Variants in GOLGA8K observed in about 807,000 individuals in gnomAD.
GOLGA8K encodes the protein golgin A8 family member K.
In GOLGA8K, 12 loss-of-function variants were observed where a neutral mutation model predicts 75.2. That is an observed-to-expected ratio of 0.16 (90% CI 0.10 to 0.26). GOLGA8K has a LOEUF of 0.26. Among genes scored for constraint, GOLGA8K ranks in the 10% least tolerant of loss-of-function variants. The probability of loss-of-function intolerance (pLI) is 1.00; values close to 1 mark genes in which losing one functional copy is unlikely to be tolerated. For synonymous variants in GOLGA8K, 48 were observed against 236.6 expected, an observed-to-expected ratio of 0.20 and a Z score of 7.32; for missense variants, 109 against 640.8, an observed-to-expected ratio of 0.17 and a Z score of 8.96.
rs1345363287 is a variant in GOLGA8K, at chr15:32,397,508, A to C, written c.592-5T>G. 2 of 1,477,030 alleles carry C rather than the reference A, an allele frequency of 1.4e-6. No homozygotes were observed. Among genetic ancestry groups the C allele is most frequent in the South Asian group, 2.3e-5 (2 of 86,234 alleles). 91.5% of individuals were successfully genotyped at this position (1,477,030 alleles called of 1,614,324 possible). On this transcript the variant is annotated splice_polypyrimidine_tract_variant and splice_region_variant and intron_variant, in intron 8 of 18. Transcript: ENST00000512626. ...TGCTTTGCTGCGGCTGGACAACTGG[A>C]TGGTGAAGAGTGAGAAGTTTCAATC...
intron 2 of GOLGA8K, 31 bp downstream of exon 2, chr15:32,401,325 G>A: frequency 1.2e-6 from 1 of 813,340 alleles, no homozygotes; most frequent in Non-Finnish European, 1.7e-6. Flanking sequence ...TGGGCCCCCT[G>A]TCCCCAGAAG....
At chr15:32,393,967 C>T (rs372805904) in intron 15 of GOLGA8K, among the ~76,000 whole-genome samples, 178 bp downstream of exon 15, 819 of 34,688 alleles carry the variant, frequency 0.024, 15 homozygotes, top group East Asian at 0.041. Context: ...CAGCCCCTTC[C>T]CTTGGGGCCT....
Position 32,394,227 on chromosome 15 carries a change from C to G in GOLGA8K, c.1283G>C (p.Gly428Ala). The change falls in exon 15 of 19, where the codon GGA becomes GCA. Residue 428 changes from glycine (G) to alanine (A), a missense_variant. Transcript: ENST00000512626. ...CTCCCCCTCACTGTCCAGATGTTCTCCGTGTCCTGTGGGGGGTGGCCAGAG... is the reference window on the plus strand; with the variant it reads ...CTCCCCCTCACTGTCCAGATGTTCTGCGTGTCCTGTGGGGGGTGGCCAGAG... ...SLMALPGEGH[G>A]EHLDSEGEEA... 2.0e-6 allele frequency: 3 copies of G among 1,535,340 alleles called. No individual in the cohort carries two copies. The highest frequency in any genetic ancestry group is 1.8e-6 in the Non-Finnish European group (2 of 1,138,188).
chr15:32,397,209 C>G lies in GOLGA8K; in HGVS notation c.780G>C (p.Ser260=). 7.2e-7 allele frequency: 1 copy of G among 1,395,746 alleles called. No individual in the cohort carries two copies. Among genetic ancestry groups the G allele is most frequent in the Middle Eastern group, 2.4e-4 (1 of 4,210 alleles). The allele number at this position is 1,395,746 out of a possible 1,614,324, so 86.5% of individuals were successfully genotyped here. A position where few individuals can be genotyped will look rare whatever the true frequency, so the allele number is the denominator to read the frequency against. ...CTGAAGGGTCAGATCTCACCTCCTG[C>G]GACATTTTTCTCATCCTCTGCTGCC... ...ARWQQRMRKM[S]QEICTLKKEK... The change falls in exon 10 of 19, where the codon TCG becomes TCC. Residue 260 remains serine (S), a synonymous_variant. Coordinates refer to ENST00000512626, the MANE Select transcript of GOLGA8K (RefSeq NM_001282493.2).
rs1428726273 is a variant in GOLGA8K, at chr15:32,392,173, AG to A, written c.*608del. Among the ~76,000 whole-genome samples the A allele has an allele frequency of 9.0e-5, 3 of 33,182 alleles. No homozygotes were observed. Among genetic ancestry groups the A allele is most frequent in the African/African-American group, 1.9e-4 (3 of 15,494 alleles). The allele number at this position is 33,182 out of a possible 152,430, so 21.8% of individuals were successfully genotyped here. On this transcript the variant is annotated 3_prime_UTR_variant, in exon 19 of 19. Coordinates refer to ENST00000512626, the MANE Select transcript of GOLGA8K (RefSeq NM_001282493.2). ...GTGAGATTTAAAAAGCTCCCCCAAA[AG>A]GTTATCACTCCCATCACCAATACAC...
intron 8 of GOLGA8K, among the ~76,000 whole-genome samples, chr15:32,397,897 GTGC>G (rs2054649126): frequency 6.6e-6 from 1 of 150,790 alleles, no homozygotes; most frequent in African/African-American, 2.4e-5. Context: ...TTGAGGTTAA[GTGC>G]TTGCCTAAGT....
chr15:32,397,611 G>T (rs1223703304), intron 8 of GOLGA8K, 108 bp from the exon 9 acceptor site: 9 of 1,391,772 alleles, frequency 6.5e-6, no homozygotes, highest in Non-Finnish European at 8.0e-6. Context: ...GGTCAGTAAA[G>T]ATCAAGGCAT....
Position 32,393,356 on chromosome 15 carries a change from AG to A in GOLGA8K, c.1497del (p.Cys500ValfsTer78). Reference protein sequence around the residue: ...KTHHLLSEPGGCAKDAALGGG... With the variant: ...KTHHLLSEPGXCAKDAALGGG... ...CCTCCCAGTGCCGCATCTTTGGCACAGCCCCCTGGTTCTGATAAAAGGTGAT... is the reference window on the plus strand; with the variant it reads ...CCTCCCAGTGCCGCATCTTTGGCACACCCCCTGGTTCTGATAAAAGGTGAT... On this transcript the variant is annotated frameshift_variant, in exon 17 of 19. Transcript: ENST00000512626. LOFTEE classifies it high-confidence loss of function. 3.8e-6 allele frequency: 4 copies of A among 1,057,112 alleles called. No individual in the cohort carries two copies. The highest frequency in any genetic ancestry group is 5.1e-6 in the Non-Finnish European group (4 of 789,838). The allele number at this position is 1,057,112 out of a possible 1,614,324, so 65.5% of individuals were successfully genotyped here.
rs768535637 is a variant in GOLGA8K, at chr15:32,394,127, A to G, written c.1365+18T>C. The G allele has an allele frequency of 4.5e-5, 41 of 907,392 alleles. 1 individual carries two copies. The East Asian group carries it at 4.9e-4, about 11-fold the overall frequency. The allele number at this position is 907,392 out of a possible 1,614,324, so 56.2% of individuals were successfully genotyped here. A position where few individuals can be genotyped will look rare whatever the true frequency, so the allele number is the denominator to read the frequency against. On this transcript the variant is annotated intron_variant, in intron 15 of 18. Transcript: ENST00000512626. ...CAGAGAAAGGTGGCAAAATGGGTGCAGGGGGAGTCAGGCTCACCATGGCCT... is the reference window on the plus strand; with the variant it reads ...CAGAGAAAGGTGGCAAAATGGGTGCGGGGGGAGTCAGGCTCACCATGGCCT...
rs917194274 is a variant in GOLGA8K, at chr15:32,389,911, G to C, written c.*2871C>G. Among the ~76,000 whole-genome samples, 1 of 102,182 alleles carries C rather than the reference G, an allele frequency of 9.8e-6. No homozygotes were observed. Among genetic ancestry groups the C allele is most frequent in the Non-Finnish European group, 2.1e-5 (1 of 47,942 alleles). The allele number at this position is 102,182 out of a possible 152,430, so 67.0% of individuals were successfully genotyped here. ...AGTTATATTATTTTAAAATGACTAA[G>C]ATAAAGTTTTAGAGAAACTATATTA... is the stretch of plus-strand genomic sequence containing the variant. On this transcript the variant is annotated 3_prime_UTR_variant, in exon 19 of 19. Coordinates refer to ENST00000512626, the MANE Select transcript of GOLGA8K (RefSeq NM_001282493.2).
Position 32,389,893 on chromosome 15 carries a change from T to A in GOLGA8K, c.*2889A>T, listed in dbSNP as rs1453305780. Among the ~76,000 whole-genome samples the A allele has an allele frequency of 1.0e-5, 1 of 100,432 alleles. No homozygotes were observed. Among genetic ancestry groups the A allele is most frequent in the Non-Finnish European group, 2.1e-5 (1 of 47,148 alleles). The allele number at this position is 100,432 out of a possible 152,430, so 65.9% of individuals were successfully genotyped here. A position where few individuals can be genotyped will look rare whatever the true frequency, so the allele number is the denominator to read the frequency against. On this transcript the variant is annotated 3_prime_UTR_variant, in exon 19 of 19. Transcript: ENST00000512626. ...GCAGTTACATTTTTTAATAGTTATA[T>A]TATTTTAAAATGACTAAGATAAAGT...
chr15:32,394,275 G>A (rs1410794814), intron 14 of GOLGA8K, 42 bp from the exon 15 acceptor site: 10 of 1,288,250 alleles, frequency 7.8e-6, no homozygotes, highest in Non-Finnish European at 6.5e-6. Flanking sequence ...AACCCAACAA[G>A]GGAGGTACTG....
At chr15:32,394,934 C>G (rs1295857771) in intron 13 of GOLGA8K, among the ~76,000 whole-genome samples, 194 bp from the exon 14 acceptor site, 1 of 149,294 alleles carries the variant, frequency 6.7e-6, no homozygotes, top group Admixed American at 6.8e-5. Context: ...GCCTGTACAG[C>G]GCCTCCTTCT....
At chr15:32,397,062 G>T in intron 10 of GOLGA8K, 55 bp from the exon 11 acceptor site, 1 of 566,382 alleles carries the variant, frequency 1.8e-6, no homozygotes, top group East Asian at 3.0e-5. Flanking sequence ...AGGCTGGACA[G>T]GCTGCCCTCT....
chr15:32,396,164 G>A, intron 12 of GOLGA8K, 123 bp downstream of exon 12: 1 of 619,846 alleles, frequency 1.6e-6, no homozygotes, highest in Non-Finnish European at 2.7e-6. Context: ...CAGCCACCTG[G>A]CTCACAGGTG....
Position 32,394,966 on chromosome 15 carries a change from T to C in GOLGA8K, c.1201-226A>G, listed in dbSNP as rs550327330. On this transcript the variant is annotated intron_variant, in intron 13 of 18. Coordinates refer to ENST00000512626, the MANE Select transcript of GOLGA8K (RefSeq NM_001282493.2). Reference sequence around the variant, plus strand: ...TTCTCACAGGTCAGCTGCTGATAGGTGGCCACGTACTGCTGCAGGTGACCC... The same window carrying C: ...TTCTCACAGGTCAGCTGCTGATAGGCGGCCACGTACTGCTGCAGGTGACCC... 6.8e-4 allele frequency among the ~76,000 whole-genome samples: 102 copies of C among 149,832 alleles called. 2 individuals carry two copies. Among genetic ancestry groups the C allele is most frequent in the African/African-American group, 9.0e-4 (37 of 41,214 alleles).
intron 8 of GOLGA8K, among the ~76,000 whole-genome samples, chr15:32,397,995 T>C (rs2054650834): frequency 6.6e-6 from 1 of 152,116 alleles, no homozygotes; most frequent in South Asian, 2.1e-4. Flanking sequence ...GGGGCACAGA[T>C]AGGAAGGGGA....
In GOLGA8K at chr15:32,395,946, G is replaced by A; in HGVS notation, c.1200+17C>T. On this transcript the variant is annotated intron_variant, in intron 13 of 18. Transcript: ENST00000512626. ...CCAGCCCTTCTTGGATGGGGTGGAGGTTTCCGTCTCCTTCACCTCGCCAAG... is the reference window on the plus strand; with the variant it reads ...CCAGCCCTTCTTGGATGGGGTGGAGATTTCCGTCTCCTTCACCTCGCCAAG... 1 of 1,250,734 alleles carries A rather than the reference G, an allele frequency of 8.0e-7. No individual in the cohort carries two copies. Among genetic ancestry groups the A allele is most frequent in the Non-Finnish European group, 1.1e-6 (1 of 888,466 alleles). The allele number at this position is 1,250,734 out of a possible 1,614,324, so 77.5% of individuals were successfully genotyped here.
rs1242649872 is a variant in GOLGA8K, at chr15:32,398,954, GCTTT to G, written c.376_379del (p.Lys126ProfsTer5). 5.6e-6 allele frequency: 7 copies of G among 1,259,218 alleles called. No homozygotes were observed. Among genetic ancestry groups the G allele is most frequent in the Non-Finnish European group, 7.7e-6 (7 of 910,932 alleles). The allele number at this position is 1,259,218 out of a possible 1,614,324, so 78.0% of individuals were successfully genotyped here. On this transcript the variant is annotated frameshift_variant, in exon 6 of 19. Coordinates refer to ENST00000512626, the MANE Select transcript of GOLGA8K (RefSeq NM_001282493.2). LOFTEE classifies it high-confidence loss of function. ...TCCACTCACCTCTAGCACCCTTTTG[GCTTT>G]CTGTTTCTTGTTGTTTGCTTTCTTT...
Sources: allele counts gnomAD v4.1 joint callset (sites outside exome capture counted in the v4.1 genomes callset), GRCh38; gene constraint gnomAD v4.1.1; transcripts MANE v1.5; gene names NCBI Gene and HGNC (gene_info 2026-07-23, HGNC 2026-07-21).